The following TLK1 variants were observed in gnomAD, a reference collection of about 807,000 sequenced individuals.
TLK1 encodes the protein serine/threonine-protein kinase tousled-like 1.
A neutral mutation model predicts 105.3 loss-of-function variants in TLK1; 24 were observed. The ratio of observed to expected loss-of-function variants is 0.23; its 90% CI spans 0.17 to 0.32. TLK1 has a LOEUF of 0.32. Ranked by LOEUF, TLK1 falls within the 10% of genes least tolerant of loss-of-function variation. TLK1 has a pLI of 1.00. For missense variants in TLK1, 558 were observed against 910.5 expected, an observed-to-expected ratio of 0.61 and a Z score of 4.98; for synonymous variants, 321 against 310.4, an observed-to-expected ratio of 1.03 and a Z score of -0.36.
intron 18 of TLK1, among the ~76,000 whole-genome samples, chr2:171,002,760 T>C (rs1684443625): frequency 6.6e-6 from 1 of 152,078 alleles, no homozygotes; most frequent in South Asian, 2.1e-4. Flanking sequence ...CTCAGCCTCC[T>C]GTGTAGCTGG....
At chr2:171,193,546 G>A (rs538790082) in intron 1 of TLK1, among the ~76,000 whole-genome samples, 6 of 150,768 alleles carry the variant, frequency 4.0e-5, no homozygotes, top group African/African-American at 1.2e-4. Context: ...ACAAGCGCCC[G>A]CCACCACGCC....
At chr2:171,138,111 A>C (rs1017545795) in intron 1 of TLK1, among the ~76,000 whole-genome samples, 1 of 152,176 alleles carries the variant, frequency 6.6e-6, no homozygotes, top group African/African-American at 2.4e-5. Context: ...TCTTAAAAGC[A>C]AGCTCAAGGG....
intron 3 of TLK1, among the ~76,000 whole-genome samples, chr2:171,078,620 T>G (rs1032491068): frequency 1.3e-5 from 2 of 152,104 alleles, no homozygotes; most frequent in Admixed American, 6.5e-5. Context: ...TCATAAACAT[T>G]AAGTGATTCA....
chr2:171,204,785 C>G (rs1693470669), intron 1 of TLK1, among the ~76,000 whole-genome samples: 1 of 151,782 alleles, frequency 6.6e-6, no homozygotes, highest in African/African-American at 2.4e-5. Flanking sequence ...ATGGTGAAAC[C>G]CCATTTCTAC....
At position 171,101,346 on chromosome 2, in the gene TLK1, C is replaced by CAAAAAAAAAAAAAAA. The variant is rs71401403; in HGVS notation, c.258+16378_258+16392dup. ...GGACAACAAGAGTGAAACTCCGTCT[C>CAAAAAAAAAAAAAAA]AAAAAAAAAAAAAAAAAAAGCCAGG... On this transcript the variant is annotated intron_variant, in intron 2 of 20. Transcript: ENST00000431350. Among the ~76,000 whole-genome samples the CAAAAAAAAAAAAAAA allele has an allele frequency of 8.7e-4, 55 of 63,478 alleles. 1 individual carries two copies. The highest frequency in any genetic ancestry group is 3.7e-3 in the African/African-American group (51 of 13,834). The allele number at this position is 63,478 out of a possible 152,430, so 41.6% of individuals were successfully genotyped here. A position where few individuals can be genotyped will look rare whatever the true frequency, so the allele number is the denominator to read the frequency against.
intron 11 of TLK1, among the ~76,000 whole-genome samples, chr2:171,036,183 G>A (rs889565078): frequency 1.3e-5 from 2 of 152,200 alleles, no homozygotes; most frequent in African/African-American, 4.8e-5. Flanking sequence ...AGTGGCTCAC[G>A]CCTGCAATCC....
chr2:171,194,921 A>G (rs1301810155), intron 1 of TLK1, among the ~76,000 whole-genome samples: 1 of 152,124 alleles, frequency 6.6e-6, no homozygotes, highest in Non-Finnish European at 1.5e-5. Flanking sequence ...ATTGAAACAC[A>G]AGGTTCTTGG....
intron 1 of TLK1, among the ~76,000 whole-genome samples, chr2:171,208,128 C>T (rs1443479935): frequency 6.6e-6 from 1 of 151,954 alleles, no homozygotes; most frequent in Non-Finnish European, 1.5e-5. Context: ...TTTTCTTTTT[C>T]TTTTTTTACT....
chr2:171,024,155 C>T (rs1685666060), intron 12 of TLK1, among the ~76,000 whole-genome samples: 1 of 152,028 alleles, frequency 6.6e-6, no homozygotes, highest in African/African-American at 2.4e-5. Context: ...TTACTTGTTC[C>T]TTTTGAAATA....
At chr2:171,140,568 A>G (rs1174914357) in intron 1 of TLK1, among the ~76,000 whole-genome samples, 4 of 152,214 alleles carry the variant, frequency 2.6e-5, no homozygotes, top group African/African-American at 9.6e-5. Flanking sequence ...CCTCAGAGCA[A>G]AAGAATTACA....
chr2:171,220,808 C>T (rs78046327), intron 1 of TLK1, among the ~76,000 whole-genome samples: 3 of 151,988 alleles, frequency 2.0e-5, no homozygotes, highest in East Asian at 1.9e-4. Context: ...CCTTCATTGC[C>T]CCTCTCACCC....
intron 3 of TLK1, among the ~76,000 whole-genome samples, chr2:171,080,786 C>A (rs549348360): frequency 2.0e-5 from 3 of 151,748 alleles, no homozygotes; most frequent in Non-Finnish European, 4.4e-5. Context: ...TGGCTCATTG[C>A]AGCTTCGACT....
At chr2:171,117,916 C>A in intron 1 of TLK1, 59 bp from the exon 2 acceptor site, 1 of 1,073,812 alleles carries the variant, frequency 9.3e-7, no homozygotes, top group Non-Finnish European at 1.3e-6. Context: ...TTTATACTTA[C>A]ACACACAAAT....
At chr2:171,096,835 G>A (rs1307966244) in intron 2 of TLK1, among the ~76,000 whole-genome samples, 1 of 151,676 alleles carries the variant, frequency 6.6e-6, no homozygotes, top group Non-Finnish European at 1.5e-5. Context: ...AGAAATTGAA[G>A]ACAATACAAA....
At chr2:171,024,095 TTAAG>T (rs1320657872) in intron 12 of TLK1, among the ~76,000 whole-genome samples, 3 of 152,170 alleles carry the variant, frequency 2.0e-5, no homozygotes, top group Non-Finnish European at 4.4e-5. Flanking sequence ...CAAGCTTTTA[TTAAG>T]TAATAACTGG....
chr2:171,101,222 T>C (rs1323165697), intron 2 of TLK1, among the ~76,000 whole-genome samples: 1 of 151,682 alleles, frequency 6.6e-6, no homozygotes, highest in Non-Finnish European at 1.5e-5. Flanking sequence ...GGTACGTGCC[T>C]GTAATCCCAG....
At chr2:171,093,530 T>C (rs1175925631) in intron 2 of TLK1, among the ~76,000 whole-genome samples, 2 of 152,024 alleles carry the variant, frequency 1.3e-5, no homozygotes, top group African/African-American at 2.4e-5. Context: ...GAACCACAAA[T>C]AGGCTGTTCA....
intron 3 of TLK1, among the ~76,000 whole-genome samples, chr2:171,071,538 C>T (rs780494208): frequency 6.6e-6 from 1 of 152,176 alleles, no homozygotes; most frequent in Non-Finnish European, 1.5e-5. Context: ...CTGCCTGCCT[C>T]TGCCTCCCAC....
At chr2:171,112,679 C>G (rs1045132525) in intron 2 of TLK1, among the ~76,000 whole-genome samples, 1 of 152,112 alleles carries the variant, frequency 6.6e-6, no homozygotes, top group African/African-American at 2.4e-5. Flanking sequence ...AATAAATCTA[C>G]AGAACCAACA....
Sources: gnomAD v4.1 joint callset for allele counts (sites outside exome capture counted in the v4.1 genomes callset) on GRCh38, gnomAD v4.1.1 for gene constraint, MANE v1.5 for transcripts, NCBI Gene and HGNC (gene_info 2026-07-23, HGNC 2026-07-21) for gene names.